TOGARAM1: variants seen among roughly 807,000 people sequenced by gnomAD.
TOGARAM1 encodes TOG array regulator of axonemal microtubules 1.
TOGARAM1 carries 100 observed loss-of-function variants against 166.6 expected under a neutral mutation model. The ratio of observed to expected loss-of-function variants is 0.60; its 90% CI spans 0.51 to 0.71. The LOEUF is 0.71. Among genes scored for constraint, TOGARAM1 ranks in the 30% least tolerant of loss-of-function variants. The pLI is 0.00. For missense variants in TOGARAM1, 2,029 were observed against 2,102.7 expected (o/e 0.96, Z 0.69); for synonymous variants, 758 against 763.8 (o/e 0.99, Z 0.13).
intron 3 of TOGARAM1, among the ~76,000 whole-genome samples, chr14:45,003,471 G>A (rs766043407): frequency 1.2e-4 from 18 of 151,508 alleles, no homozygotes; most frequent in Admixed American, 2.0e-4. Context: ...AATAGTTTCC[G>A]TAAGTATAAA....
At chr14:45,050,338 C>T (rs1594693172) in intron 14 of TOGARAM1, among the ~76,000 whole-genome samples, 2 of 152,186 alleles carry the variant, frequency 1.3e-5, no homozygotes, top group African/African-American at 2.4e-5. Context: ...CTGCTACCTC[C>T]GCCTCCTGAG....
At chr14:45,050,092 C>T (rs1019811907) in intron 14 of TOGARAM1, among the ~76,000 whole-genome samples, 1 of 139,680 alleles carries the variant, frequency 7.2e-6, no homozygotes, top group Admixed American at 7.1e-5. Context: ...CCTTAACATT[C>T]CAGGCTAAAC....
At chr14:45,069,978 C>T (rs912916039) in intron 18 of TOGARAM1, among the ~76,000 whole-genome samples, 14 of 152,010 alleles carry the variant, frequency 9.2e-5, no homozygotes, top group Non-Finnish European at 1.8e-4. Flanking sequence ...GTCAGGAGAT[C>T]GAGACCATCC....
intron 1 of TOGARAM1, among the ~76,000 whole-genome samples, chr14:44,992,853 G>A (rs1421640898): frequency 6.6e-6 from 1 of 151,444 alleles, no homozygotes; most frequent in Non-Finnish European, 1.5e-5. Context: ...TCCTGACCTC[G>A]TGATCTGCCT....
At chr14:44,996,766 T>C (rs1887431900) in intron 2 of TOGARAM1, 1 of 152,260 alleles carries the variant, frequency 6.6e-6, no homozygotes. Flanking sequence ...TTTACAATCA[T>C]GGCGTAAGGC....
chr14:44,989,283 C>G (rs1193893852), intron 1 of TOGARAM1, among the ~76,000 whole-genome samples: 1 of 152,152 alleles, frequency 6.6e-6, no homozygotes, highest in Non-Finnish European at 1.5e-5. Flanking sequence ...TTCTGACTCA[C>G]TTCATCTAAT....
chr14:45,044,937 A>G (rs1881914599), intron 13 of TOGARAM1, 67 bp downstream of exon 13: 1 of 1,196,986 alleles, frequency 8.4e-7, no homozygotes, highest in African/African-American at 1.5e-5. Context: ...GGGACTGTAG[A>G]AAAGAAACAA....
intron 1 of TOGARAM1, among the ~76,000 whole-genome samples, chr14:44,964,951 T>TAAAAAAAAAAAACAAAA (rs1885437192): frequency 1.2e-5 from 1 of 85,906 alleles, no homozygotes; most frequent in Non-Finnish European, 2.2e-5. Context: ...ACTAGAAAAG[T>TAAAAAAAAAAAACAAAA]AAAAAAAAAA....
intron 14 of TOGARAM1, among the ~76,000 whole-genome samples, chr14:45,047,875 T>C (rs2138962626): frequency 6.7e-6 from 1 of 149,638 alleles, no homozygotes; most frequent in African/African-American, 2.5e-5. Context: ...GCGAACATGG[T>C]TAAAACCCCG....
Position 45,045,684 on chromosome 14 carries a change from CATATATACACATATATATGTGT to C in TOGARAM1, c.4154+822_4155-832del, listed in dbSNP as rs1566661060. On this transcript the variant is annotated intron_variant, in intron 13 of 19. Coordinates refer to ENST00000361462, the MANE Select transcript of TOGARAM1 (RefSeq NM_001308120.2). The stretch of plus-strand genomic sequence containing the variant: ...ACATATATATGTGTATATATATACA[CATATATACACATATATATGTGT>C]ATATATATACACATATATACACATA... 1.0e-3 allele frequency among the ~76,000 whole-genome samples: 91 copies of C among 87,388 alleles called. 1 individual carries two copies. The highest frequency in any genetic ancestry group is 6.0e-3 in the African/African-American group (85 of 14,166). The allele number at this position is 87,388 out of a possible 152,430, so 57.3% of individuals were successfully genotyped here. A position where few individuals can be genotyped will look rare whatever the true frequency, so the allele number is the denominator to read the frequency against.
chr14:44,969,312 C>T (rs1242760952), intron 1 of TOGARAM1, among the ~76,000 whole-genome samples: 2 of 151,720 alleles, frequency 1.3e-5, no homozygotes, highest in Non-Finnish European at 2.9e-5. Context: ...CCATCATGCC[C>T]GGCTAATTTT....
intron 11 of TOGARAM1, among the ~76,000 whole-genome samples, chr14:45,041,416 A>C (rs948489071): frequency 6.6e-6 from 1 of 152,196 alleles, no homozygotes; most frequent in Non-Finnish European, 1.5e-5. Context: ...AAAACAAAAC[A>C]AAAAAGTTTC....
In TOGARAM1 at chr14:45,006,214, C is replaced by A. The variant is rs764374409; in HGVS notation, c.2851C>A (p.Pro951Thr). 4.0e-5 allele frequency: 65 copies of A among 1,612,770 alleles called. No individual in the cohort carries two copies. The highest frequency in any genetic ancestry group is 5.3e-5 in the Non-Finnish European group (63 of 1,179,172). Reference protein sequence around the residue: ...DIWKCEKDSLPIDLSELNFKD... With the variant: ...DIWKCEKDSLTIDLSELNFKD... ...TTGGAAGTGTGAAAAAGATAGTCTT[C>A]CAATTGATCTTTCAGAATTAAATTT... The change falls in exon 5 of 20, where the codon CCA (proline) becomes ACA (threonine). Residue 951 changes from proline to threonine, a missense_variant. Physicochemically the swap from Pro to Thr is conservative, Grantham distance 38. Transcript: ENST00000361462.
chr14:45,062,633 C>G (rs1383020653), intron 16 of TOGARAM1, among the ~76,000 whole-genome samples: 1 of 152,080 alleles, frequency 6.6e-6, no homozygotes, highest in Non-Finnish European at 1.5e-5. Context: ...ACAGTAGAAA[C>G]TGTACTTTGA....
intron 1 of TOGARAM1, among the ~76,000 whole-genome samples, chr14:44,988,759 A>G (rs920082998): frequency 6.6e-6 from 1 of 152,210 alleles, no homozygotes; most frequent in Non-Finnish European, 1.5e-5. Context: ...ATAAAAAGGC[A>G]CTGCAGCTTC....
chr14:45,029,457 C>T lies in TOGARAM1; in HGVS notation c.3658+1128C>T, dbSNP rs564685369. On this transcript the variant is annotated intron_variant, in intron 10 of 19. Transcript: ENST00000361462. ...GTTTCTGAGAAGTATAAGGAGAGTA[C>T]TGCTTTGAAGTTACCCTTATATTAT... 1.1e-4 allele frequency among the ~76,000 whole-genome samples: 17 copies of T among 152,238 alleles called. No individual in the cohort carries two copies. In the East Asian group the frequency reaches 3.3e-3, roughly 29 times the overall value.
chr14:44,985,680 C>T (rs1886756528), intron 1 of TOGARAM1, among the ~76,000 whole-genome samples: 1 of 152,308 alleles, frequency 6.6e-6, no homozygotes, highest in South Asian at 2.1e-4. Flanking sequence ...GCTCCCTTGC[C>T]CGCCGCTCAC....
chr14:45,029,665 C>T (rs1881047034), intron 10 of TOGARAM1, among the ~76,000 whole-genome samples: 1 of 152,144 alleles, frequency 6.6e-6, no homozygotes, highest in African/African-American at 2.4e-5. Flanking sequence ...AAGTGTGTTT[C>T]ATAGACTGTG....
intron 16 of TOGARAM1, among the ~76,000 whole-genome samples, chr14:45,060,377 C>T (rs536219951): frequency 1.3e-5 from 2 of 151,850 alleles, no homozygotes; most frequent in African/African-American, 4.8e-5. Flanking sequence ...CACCACACCC[C>T]GCTAATTTTT....
Sources: gnomAD v4.1 joint callset for allele counts (sites outside exome capture counted in the v4.1 genomes callset) on GRCh38, gnomAD v4.1.1 for gene constraint, MANE v1.5 for transcripts, NCBI Gene and HGNC (gene_info 2026-07-23, HGNC 2026-07-21) for gene names.